CCDC141: variants seen among roughly 807,000 people sequenced by gnomAD.
CCDC141 encodes the protein coiled-coil domain containing 141.
CCDC141 carries 168 observed loss-of-function variants against 181.0 expected under a neutral mutation model. The ratio of observed to expected loss-of-function variants is 0.93; its 90% confidence interval spans 0.82 to 1.05. CCDC141 has a LOEUF of 1.05. Ranked by LOEUF, CCDC141 falls within the 50% of genes least tolerant of loss-of-function variation. CCDC141 has a pLI of 0.00. For missense variants in CCDC141, 1,902 were observed against 1,788.5 expected, an observed-to-expected ratio of 1.06 and a Z score of -1.14; for synonymous variants, 666 against 642.3, an observed-to-expected ratio of 1.04 and a Z score of -0.56.
At chr2:178,846,547 A>G (rs1684947954) in intron 21 of CCDC141, among the ~76,000 whole-genome samples, 2 of 152,202 alleles carry the variant, frequency 1.3e-5, no homozygotes, top group Admixed American at 6.5e-5. Flanking sequence ...GAGACCCACT[A>G]CTGGGGAGAT....
intron 2 of CCDC141, among the ~76,000 whole-genome samples, chr2:179,015,099 T>TATATATATATATAATATATATATATC (rs1559048705): frequency 2.0e-5 from 1 of 50,534 alleles, no homozygotes; most frequent in African/African-American, 5.8e-5. Flanking sequence ...TATATATATA[T>TATATATATATATAATATATATATATC]ATATAATATA....
chr2:179,031,215 T>C (rs1317484929), intron 2 of CCDC141, among the ~76,000 whole-genome samples: 1 of 150,108 alleles, frequency 6.7e-6, no homozygotes, highest in Non-Finnish European at 1.5e-5. Flanking sequence ...TTTTTTTTTT[T>C]CTTCTTGAGT....
At chr2:179,015,118 C>A (rs1204868445) in intron 2 of CCDC141, among the ~76,000 whole-genome samples, 11 of 25,926 alleles carry the variant, frequency 4.2e-4, no homozygotes, top group African/African-American at 5.6e-4. Context: ...TATATATAAT[C>A]ATATATATAT....
chr2:178,980,022 G>T (rs1478736070), intron 2 of CCDC141, among the ~76,000 whole-genome samples: 1 of 151,890 alleles, frequency 6.6e-6, no homozygotes, highest in African/African-American at 2.4e-5. Flanking sequence ...ACAAATTAAG[G>T]GGGATAAACT....
rs1437929551 is a variant in CCDC141 at position 178,832,914 on chromosome 2, T to C, written c.*1259A>G. The C allele has an allele frequency of 6.6e-6, 1 of 152,176 alleles. No individual in the cohort carries two copies. Among genetic ancestry groups the C allele is most frequent in the East Asian group, 1.9e-4 (1 of 5,204 alleles). The allele number at this position is 152,176 out of a possible 1,614,324, so 9.4% of individuals were successfully genotyped here. A position where few individuals can be genotyped will look rare whatever the true frequency, so the allele number is the denominator to read the frequency against. ...AAAAAATGATCTTTTCTGAATAAAG[T>C]GTTTCAGAAAGGCATAGAATACTTC... On this transcript the variant is annotated 3_prime_UTR_variant, in exon 24 of 24. Transcript: ENST00000443758.
intron 4 of CCDC141, among the ~76,000 whole-genome samples, 152 bp from the exon 5 acceptor site, chr2:178,961,635 T>C (rs1394226751): frequency 6.6e-6 from 1 of 152,190 alleles, no homozygotes; most frequent in Non-Finnish European, 1.5e-5. Context: ...AAACAGAAAC[T>C]GCCTACAGTA....
At chr2:178,896,681 G>A (rs1372014416) in intron 8 of CCDC141, among the ~76,000 whole-genome samples, 1 of 152,052 alleles carries the variant, frequency 6.6e-6, no homozygotes, top group Non-Finnish European at 1.5e-5. Context: ...ACAAAAACTG[G>A]CAACCTAACA....
At chr2:179,020,119 G>T (rs981444168) in intron 2 of CCDC141, among the ~76,000 whole-genome samples, 10 of 152,252 alleles carry the variant, frequency 6.6e-5, no homozygotes, top group South Asian at 2.1e-4. Flanking sequence ...AATAAAGACT[G>T]TTATAACCGT....
At chr2:178,897,128 C>T (rs917265274) in intron 8 of CCDC141, among the ~76,000 whole-genome samples, 1 of 150,412 alleles carries the variant, frequency 6.6e-6, no homozygotes, top group African/African-American at 2.5e-5. Context: ...TGCTCAGTCA[C>T]TCTATCTCAT....
chr2:178,929,595 C>G (rs1689024860), intron 6 of CCDC141, among the ~76,000 whole-genome samples: 1 of 152,090 alleles, frequency 6.6e-6, no homozygotes, highest in South Asian at 2.1e-4. Context: ...TCAATTACCT[C>G]AGTAATGTAT....
At chr2:178,981,671 C>CAT (rs199892457) in intron 2 of CCDC141, among the ~76,000 whole-genome samples, 147 of 111,698 alleles carry the variant, frequency 1.3e-3, no homozygotes, top group East Asian at 6.4e-3. Flanking sequence ...TACATATATA[C>CAT]ATATATATAT....
chr2:178,838,548 A>G (rs1473109290), intron 22 of CCDC141, among the ~76,000 whole-genome samples: 1 of 152,216 alleles, frequency 6.6e-6, no homozygotes, highest in African/African-American at 2.4e-5. Context: ...TTATTCTTGC[A>G]TTGAAAAAAT....
chr2:178,844,350 T>C (rs542674583), intron 22 of CCDC141, among the ~76,000 whole-genome samples: 1 of 152,330 alleles, frequency 6.6e-6, no homozygotes, highest in South Asian at 2.1e-4. Context: ...TGGCATCTAG[T>C]GAGCAAGGCC....
intron 8 of CCDC141, among the ~76,000 whole-genome samples, chr2:178,899,580 T>C (rs1687585006): frequency 1.3e-5 from 2 of 152,196 alleles, no homozygotes; most frequent in South Asian, 2.1e-4. Context: ...GCACTCAGAA[T>C]GTATGAACTA....
Position 178,946,269 on chromosome 2 carries a change from A to C in CCDC141, c.781-1618T>G, listed in dbSNP as rs183064407. On this transcript the variant is annotated intron_variant, in intron 5 of 23. Transcript: ENST00000443758. ...GTTTTTCTGGTATCCAATTAGAGCTAGATGATATGTACAATGTGCCTATGA... is the reference window on the plus strand; with the variant it reads ...GTTTTTCTGGTATCCAATTAGAGCTCGATGATATGTACAATGTGCCTATGA... Among the ~76,000 whole-genome samples the C allele has an allele frequency of 3.3e-5, 5 of 152,302 alleles. No individual in the cohort carries two copies. The East Asian group carries it at 9.6e-4, about 29-fold the overall frequency.
intron 14 of CCDC141, among the ~76,000 whole-genome samples, chr2:178,869,602 C>T (rs1185785803): frequency 1.3e-5 from 2 of 152,156 alleles, no homozygotes; most frequent in Non-Finnish European, 2.9e-5. Flanking sequence ...TTCTATTCAT[C>T]TGTTAAGTAA....
chr2:178,986,050 T>C (rs927803768), intron 2 of CCDC141, among the ~76,000 whole-genome samples: 2 of 152,168 alleles, frequency 1.3e-5, no homozygotes, highest in East Asian at 1.9e-4. Context: ...TTGATGAACA[T>C]TGATGCAAAA....
At chr2:178,837,858 A>G in intron 22 of CCDC141, 114 bp from the exon 23 acceptor site, 2 of 1,205,798 alleles carry the variant, frequency 1.7e-6, no homozygotes, top group South Asian at 3.1e-5. Flanking sequence ...CAAGGTTAAA[A>G]TTTAGGGGGC....
intron 6 of CCDC141, among the ~76,000 whole-genome samples, chr2:178,939,672 C>A (rs1689428584): frequency 6.6e-6 from 1 of 151,920 alleles, no homozygotes; most frequent in Admixed American, 6.6e-5. Flanking sequence ...GAATACCACC[C>A]AGAGAAATAG....
Sources: allele counts gnomAD v4.1 joint callset (sites outside exome capture counted in the v4.1 genomes callset), GRCh38; gene constraint gnomAD v4.1.1; transcripts MANE v1.5; gene names NCBI Gene and HGNC (gene_info 2026-07-23, HGNC 2026-07-21).